Variants in RNF149 observed in about 807,000 individuals in gnomAD.
The protein encoded by RNF149 is ring finger protein 149, also known as E3 ubiquitin-protein ligase RNF149.
A neutral mutation model predicts 39.0 loss-of-function variants in RNF149; 21 were observed. The observed-to-expected ratio is 0.54, with a 90% CI of 0.38 to 0.77. The LOEUF (loss-of-function observed/expected upper bound fraction) is 0.77, where lower values mean the gene tolerates loss of function less well. Ranked by LOEUF, RNF149 falls within the 30% of genes least tolerant of loss-of-function variation. RNF149 has a pLI of 0.00. For missense variants in RNF149, 493 were observed against 534.9 expected (o/e 0.92, Z 0.77); for synonymous variants, 209 against 213.6 (o/e 0.98, Z 0.19).
intron 6 of RNF149, among the ~76,000 whole-genome samples, chr2:101,278,335 C>A (rs1682431098): frequency 6.6e-6 from 1 of 151,950 alleles, no homozygotes; most frequent in Non-Finnish European, 1.5e-5. Context: ...TAAGTAGAGA[C>A]AGAGTTTCTG....
At chr2:101,288,029 G>A (rs1290659406) in intron 4 of RNF149, among the ~76,000 whole-genome samples, 1 of 151,876 alleles carries the variant, frequency 6.6e-6, no homozygotes, top group African/African-American at 2.4e-5. Flanking sequence ...ACAGAGTCTT[G>A]CCATGTCACC....
chr2:101,274,960 A>ATTT (rs1164010619), downstream of RNF149, among the ~76,000 whole-genome samples: 13 of 131,352 alleles, frequency 9.9e-5, no homozygotes, highest in African/African-American at 3.4e-4. Context: ...CTAATTTTGT[A>ATTT]TTTTTTTTTT....
At chr2:101,283,536 T>C (rs1428657549) in intron 5 of RNF149, among the ~76,000 whole-genome samples, 3 of 152,190 alleles carry the variant, frequency 2.0e-5, no homozygotes, top group Non-Finnish European at 4.4e-5. Flanking sequence ...GGGCACAGCA[T>C]GGCTAACTAA....
chr2:101,286,130 C>G lies in RNF149; in HGVS notation c.911G>C (p.Arg304Pro). ...ATCAAGTTTACACATTGGACATGTT[C>G]GGTGATCCAAAAGCCATGGGTCAAT... ...ICIDPWLLDH[R>P]TCPMCKLDVI... Residue 304 changes from arginine to proline, a missense_variant, in exon 5 of 7, where the codon CGA becomes CCA. Transcript: ENST00000295317. 1.2e-6 allele frequency: 2 copies of G among 1,612,242 alleles called. No individual in the cohort carries two copies. The highest frequency in any genetic ancestry group is 2.2e-5 in the South Asian group (2 of 90,996).
intron 1 of RNF149, among the ~76,000 whole-genome samples, chr2:101,295,660 CAAAA>C (rs780184197): frequency 1.2e-5 from 1 of 84,204 alleles, no homozygotes. Context: ...GACCCCATCT[CAAAA>C]AAAAAAAAAA....
At chr2:101,284,282 A>C (rs1355443614) in intron 5 of RNF149, among the ~76,000 whole-genome samples, 1 of 152,192 alleles carries the variant, frequency 6.6e-6, no homozygotes, top group Non-Finnish European at 1.5e-5. Flanking sequence ...CTCACATTTA[A>C]AAAACATAAT....
At chr2:101,272,180 CA>C (rs1292579277), downstream of RNF149, among the ~76,000 whole-genome samples, 5 of 152,260 alleles carry the variant, frequency 3.3e-5, no homozygotes, top group South Asian at 2.1e-4. Flanking sequence ...AAGATACTTC[CA>C]ACAGTACCTG....
At position 101,308,272 on chromosome 2, in the gene RNF149, G is replaced by A. The variant is rs1483584783; in HGVS notation, c.317C>T (p.Ala106Val). The change falls in exon 1 of 7, where the codon GCC becomes GTC. Residue 106 changes from alanine (A) to valine (V), a missense_variant. Coordinates refer to ENST00000295317, the MANE Select transcript of RNF149 (RefSeq NM_173647.4). The stretch of plus-strand genomic sequence containing the variant: ...AGCCACCAGGGCGACCCAGGGCGCG[G>A]CCCCTCGGCCGCCGGGCTCGGGCAC... ...FFVPEPGGRG[A>V]APWVALVARG... The A allele has an allele frequency of 6.3e-7, 1 of 1,577,952 alleles. No homozygotes were observed. The highest frequency in any genetic ancestry group is 8.6e-7 in the Non-Finnish European group (1 of 1,164,310).
At chr2:101,293,220 A>G (rs1683090343) in intron 3 of RNF149, among the ~76,000 whole-genome samples, 1 of 152,162 alleles carries the variant, frequency 6.6e-6, no homozygotes, top group Admixed American at 6.5e-5. Flanking sequence ...GATATACACC[A>G]TAAGTGCATG....
At chr2:101,272,805 A>G (rs935890490), downstream of RNF149, 12 of 465,588 alleles carry the variant, frequency 2.6e-5, no homozygotes, top group Admixed American at 2.9e-4. Context: ...ATTTGGTTAC[A>G]TTGGGTATTT....
At chr2:101,275,431 C>CTTTTTTTTT (rs59154104), downstream of RNF149, among the ~76,000 whole-genome samples, 4 of 26,602 alleles carry the variant, frequency 1.5e-4, no homozygotes, top group East Asian at 2.8e-3. Flanking sequence ...CCTAGTATTT[C>CTTTTTTTTT]TTTTTTTTTT....
At position 101,308,306 on chromosome 2, in the gene RNF149, G is replaced by A. The variant is rs1262660102; in HGVS notation, c.283C>T (p.Arg95Cys). Residue 95 changes from arginine to cysteine, a missense_variant, in exon 1 of 7, where the codon CGC becomes TGC. Coordinates refer to ENST00000295317, the MANE Select transcript of RNF149 (RefSeq NM_173647.4). Reference sequence around the variant, plus strand: ...CCGCCGGGCTCGGGCACGAAGAAGCGCGTGTCGGGCGCGCAGCCCTCGAGG... The same window carrying A: ...CCGCCGGGCTCGGGCACGAAGAAGCACGTGTCGGGCGCGCAGCCCTCGAGG... ...GDLEGCAPDTRFFVPEPGGRG... is the reference protein window; with the variant it reads ...GDLEGCAPDTCFFVPEPGGRG... 2 of 1,581,324 alleles carry A rather than the reference G, an allele frequency of 1.3e-6. No individual in the cohort carries two copies. The highest frequency in any genetic ancestry group is 1.7e-6 in the Non-Finnish European group (2 of 1,167,168).
Position 101,286,166 on chromosome 2 carries a change from T to C in RNF149, c.875A>G (p.His292Arg), listed in dbSNP as rs1301062175. 1 of 1,586,794 alleles carries C rather than the reference T, an allele frequency of 6.3e-7. No homozygotes were observed. The highest frequency in any genetic ancestry group is 1.7e-5 in the Admixed American group (1 of 59,644). The change falls in exon 5 of 7, where the codon CAT (histidine) becomes CGT (arginine). Residue 292 changes from histidine to arginine, a missense_variant. Coordinates refer to ENST00000295317, the MANE Select transcript of RNF149 (RefSeq NM_173647.4). Reference sequence around the variant, plus strand: ...AAGCCATGGGTCAATGCATATTCTATGAAAAATATGCCTAAAAAGATTAAG... The same window carrying C: ...AAGCCATGGGTCAATGCATATTCTACGAAAAATATGCCTAAAAAGATTAAG... The part of the protein sequence containing the change: ...IRILPCKHIF[H>R]RICIDPWLLD...
chr2:101,295,006 C>T lies in RNF149; in HGVS notation c.636G>A (p.Met212Ile), dbSNP rs1286862119. The T allele has an allele frequency of 6.2e-7, 1 of 1,614,028 alleles. No individual in the cohort carries two copies. Among genetic ancestry groups the T allele is most frequent in the East Asian group, 2.2e-5 (1 of 44,878 alleles). Residue 212 changes from methionine to isoleucine, a missense_variant, in exon 2 of 7, where the codon ATG becomes ATA. Transcript: ENST00000295317. ...ATATTAGCCAGGCTAACGAGATAATCATCATGGTGATGAAGGCAATGGCCA... is the reference window on the plus strand; with the variant it reads ...ATATTAGCCAGGCTAACGAGATAATTATCATGGTGATGAAGGCAATGGCCA... ...VFVAIAFITM[M>I]IISLAWLIFY...
In RNF149 at chr2:101,308,555, C is replaced by T. The variant is rs771532262; in HGVS notation, c.34G>A (p.Ala12Thr). Residue 12 changes from alanine (A) to threonine (T), a missense_variant, in exon 1 of 7, where the codon GCT becomes ACT. Coordinates refer to ENST00000295317, the MANE Select transcript of RNF149 (RefSeq NM_173647.4). ...AWRRREASVG[A>T]RGVLALALLA... ...AACGCCAGAGCCAACACGCCGCGAG[C>T]CCCGACGCTGGCTTCGCGCCGCCGC... 1 of 1,586,926 alleles carries T rather than the reference C, an allele frequency of 6.3e-7. No individual in the cohort carries two copies. The highest frequency in any genetic ancestry group is 8.5e-7 in the Non-Finnish European group (1 of 1,170,544).
intron 3 of RNF149, among the ~76,000 whole-genome samples, chr2:101,292,069 A>C (rs1413544131): frequency 6.6e-6 from 1 of 152,256 alleles, no homozygotes; most frequent in East Asian, 1.9e-4. Context: ...TCTAACACGA[A>C]GCCTATTTTA....
At chr2:101,301,139 T>C (rs767734748) in intron 1 of RNF149, among the ~76,000 whole-genome samples, 14 of 152,236 alleles carry the variant, frequency 9.2e-5, no homozygotes, top group Non-Finnish European at 1.8e-4. Flanking sequence ...GTTACCAATA[T>C]TGCTTGACTA....
At chr2:101,304,675 T>C (rs937923156) in intron 1 of RNF149, among the ~76,000 whole-genome samples, 10 of 152,098 alleles carry the variant, frequency 6.6e-5, no homozygotes, top group Non-Finnish European at 1.5e-4. Flanking sequence ...GTCCTTACAG[T>C]TGTTCAGACA....
chr2:101,281,942 G>A lies in RNF149; in HGVS notation c.1076C>T (p.Pro359Leu). Residue 359 changes from proline (P) to leucine (L), a missense_variant, in exon 6 of 7, where the codon CCA becomes CTA. Transcript: ENST00000295317. ...PDDDGSDDSSPPSASPAESEP... is the reference protein window; with the variant it reads ...PDDDGSDDSSLPSASPAESEP... ...AGATTCAGCAGGGGAGGCTGATGGT[G>A]GACTGCTGTCATCACTTCCGTCATC... 1.2e-6 allele frequency: 2 copies of A among 1,613,860 alleles called. No homozygotes were observed. Among genetic ancestry groups the A allele is most frequent in the Non-Finnish European group, 1.7e-6 (2 of 1,179,900 alleles).
Sources: gnomAD v4.1 joint callset for allele counts (sites outside exome capture counted in the v4.1 genomes callset) on GRCh38, gnomAD v4.1.1 for gene constraint, MANE v1.5 for transcripts, NCBI Gene and HGNC (gene_info 2026-07-23, HGNC 2026-07-21) for gene names.